WAPL: variants seen among roughly 807,000 people sequenced by gnomAD.
WAPL encodes the protein WAPL cohesin release factor, also known as wings apart-like protein homolog.
In WAPL, 5 loss-of-function variants were observed where a neutral mutation model predicts 121.0. The observed-to-expected ratio is 0.04, with a 90% CI of 0.02 to 0.09. WAPL has a LOEUF of 0.09. WAPL is among the 10% of genes least tolerant of loss of function. The pLI is 1.00. For synonymous variants in WAPL, 480 were observed against 481.5 expected, an observed-to-expected ratio of 1.00 and a Z score of 0.04; for missense variants, 999 against 1,410.8, an observed-to-expected ratio of 0.71 and a Z score of 4.68.
chr10:86,508,823 C>G (rs983049588), intron 2 of WAPL, among the ~76,000 whole-genome samples: 1 of 142,030 alleles, frequency 7.0e-6, no homozygotes, highest in Non-Finnish European at 1.5e-5. Flanking sequence ...GGCGCGATCT[C>G]GGCTCACTGC....
chr10:86,463,953 T>C (rs1841343363), intron 9 of WAPL, among the ~76,000 whole-genome samples: 1 of 152,200 alleles, frequency 6.6e-6, no homozygotes, highest in African/African-American at 2.4e-5. Flanking sequence ...TGGCAGGTTA[T>C]AACTTCTAGG....
intron 4 of WAPL, among the ~76,000 whole-genome samples, chr10:86,476,684 CT>C (rs1345012106): frequency 2.6e-5 from 3 of 115,714 alleles, no homozygotes; most frequent in Non-Finnish European, 3.7e-5. Context: ...GCGAGACTGT[CT>C]TTAAAAAAAA....
intron 12 of WAPL, among the ~76,000 whole-genome samples, chr10:86,456,653 A>C (rs1841153921): frequency 6.6e-6 from 1 of 152,178 alleles, no homozygotes; most frequent in South Asian, 2.1e-4. Flanking sequence ...AAGTTCTGTA[A>C]AAGTTCTTAA....
At chr10:86,485,267 G>A (rs1440997734) in intron 4 of WAPL, among the ~76,000 whole-genome samples, 1 of 152,074 alleles carries the variant, frequency 6.6e-6, no homozygotes, top group African/African-American at 2.4e-5. Context: ...ATTAGGCAGG[G>A]CACGGTAGCT....
chr10:86,486,131 G>C (rs1050236040), intron 4 of WAPL, among the ~76,000 whole-genome samples: 3 of 152,152 alleles, frequency 2.0e-5, no homozygotes, highest in Non-Finnish European at 1.5e-5. Flanking sequence ...TCTAGTACTT[G>C]AGAATATAGT....
At chr10:86,451,500 C>T (rs530960502) in intron 15 of WAPL, among the ~76,000 whole-genome samples, 1 of 152,028 alleles carries the variant, frequency 6.6e-6, no homozygotes, top group East Asian at 1.9e-4. Flanking sequence ...AAGTGATTCT[C>T]CTGCCTCTCA....
chr10:86,455,705 GAAAAAAAAAGA>G (rs1303040772), intron 12 of WAPL, among the ~76,000 whole-genome samples: 6 of 109,278 alleles, frequency 5.5e-5, no homozygotes, highest in Non-Finnish European at 1.0e-4. Flanking sequence ...AAGAAAGAAA[GAAAAAAAAAGA>G]AAAAAAGAAA....
intron 10 of WAPL, 112 bp from the exon 11 acceptor site, chr10:86,460,608 CCT>C (rs758903523): frequency 1.4e-6 from 1 of 722,840 alleles, no homozygotes; most frequent in Non-Finnish European, 2.2e-6. Flanking sequence ...CATGCTGGAA[CCT>C]CTCTGAACAT....
chr10:86,469,560 C>T (rs993426095), intron 8 of WAPL, among the ~76,000 whole-genome samples: 2 of 151,820 alleles, frequency 1.3e-5, no homozygotes, highest in Admixed American at 6.6e-5. Flanking sequence ...GGCCAGGACA[C>T]TCTACTTACA....
At chr10:86,447,352 AG>A (rs1405248136) in intron 15 of WAPL, among the ~76,000 whole-genome samples, 1 of 152,246 alleles carries the variant, frequency 6.6e-6, no homozygotes, top group African/African-American at 2.4e-5. Flanking sequence ...TTATGACTCC[AG>A]GAAGAACTGA....
At chr10:86,458,850 A>G (rs1841209089) in intron 12 of WAPL, 139 bp downstream of exon 12, 1 of 572,290 alleles carries the variant, frequency 1.7e-6, no homozygotes, top group East Asian at 3.1e-5. Flanking sequence ...AACTTTTGTT[A>G]CACAATGTGA....
In WAPL at chr10:86,510,068, C is replaced by CTTT. The variant is rs11323475; in HGVS notation, c.499+7500_499+7502dup. 2.1e-3 allele frequency among the ~76,000 whole-genome samples: 122 copies of CTTT among 57,238 alleles called. 3 individuals carry two copies. Among genetic ancestry groups the CTTT allele is most frequent in the African/African-American group, 3.8e-3 (45 of 11,930 alleles). The allele number at this position is 57,238 out of a possible 152,430, so 37.6% of individuals were successfully genotyped here. Reference sequence around the variant, plus strand: ...ACAGGCATCAGCCACTCCACCCGGCCTTTTTTTTTTTTTTTTTTTTTTTTG... The same window carrying CTTT: ...ACAGGCATCAGCCACTCCACCCGGCCTTTTTTTTTTTTTTTTTTTTTTTTTTTG... On this transcript the variant is annotated intron_variant, in intron 2 of 18. Transcript: ENST00000298767.
At chr10:86,475,963 C>G (rs1270316200) in intron 4 of WAPL, among the ~76,000 whole-genome samples, 1 of 152,206 alleles carries the variant, frequency 6.6e-6, no homozygotes, top group East Asian at 1.9e-4. Flanking sequence ...GGAAGCAGAT[C>G]ACTTGAAGCC....
At chr10:86,478,971 T>C (rs1043126015) in intron 4 of WAPL, among the ~76,000 whole-genome samples, 2 of 151,868 alleles carry the variant, frequency 1.3e-5, no homozygotes, top group African/African-American at 2.4e-5. Context: ...GTGGCACACA[T>C]CTGTAATTCC....
rs1841241401 is a variant in WAPL at position 86,460,382 on chromosome 10, T to C, written c.2580+17A>G. The C allele has an allele frequency of 6.2e-7, 1 of 1,608,910 alleles. No homozygotes were observed. Among genetic ancestry groups the C allele is most frequent in the South Asian group, 1.1e-5 (1 of 90,790 alleles). ...TTAAGACTGAATAATTTTTGCCAAA[T>C]AGTCATCCATACTTACACTTTCTAA... On this transcript the variant is annotated intron_variant, in intron 11 of 18. Coordinates refer to ENST00000298767, the MANE Select transcript of WAPL (RefSeq NM_015045.5).
intron 12 of WAPL, 45 bp from the exon 13 acceptor site, chr10:86,453,876 G>A (rs1417995756): frequency 3.0e-6 from 4 of 1,343,846 alleles, no homozygotes; most frequent in Non-Finnish European, 3.9e-6. Context: ...AATAATAATA[G>A]GTACACAGCA....
At chr10:86,455,455 G>A (rs1841119037) in intron 12 of WAPL, among the ~76,000 whole-genome samples, 2 of 152,026 alleles carry the variant, frequency 1.3e-5, no homozygotes, top group African/African-American at 2.4e-5. Flanking sequence ...TGCAAGATGT[G>A]CTTTGTTAAA....
At chr10:86,476,362 C>G (rs1841655016) in intron 4 of WAPL, among the ~76,000 whole-genome samples, 1 of 134,596 alleles carries the variant, frequency 7.4e-6, no homozygotes, top group African/African-American at 2.8e-5. Context: ...GAGACTCTGT[C>G]TCAAAAAATT....
intron 2 of WAPL, among the ~76,000 whole-genome samples, chr10:86,502,034 A>G (rs1379008937): frequency 5.3e-5 from 8 of 152,338 alleles, no homozygotes; most frequent in African/African-American, 7.2e-5. Flanking sequence ...AGATTTGGTA[A>G]TATCTTTTAA....
Sources: allele counts gnomAD v4.1 joint callset (sites outside exome capture counted in the v4.1 genomes callset), GRCh38; gene constraint gnomAD v4.1.1; transcripts MANE v1.5; gene names NCBI Gene and HGNC (gene_info 2026-07-23, HGNC 2026-07-21).